PRAG1: variants seen among roughly 807,000 people sequenced by gnomAD.
PRAG1 encodes the protein PEAK1 related, kinase-activating pseudokinase 1, also known as inactive tyrosine-protein kinase PRAG1.
Under a neutral mutation model 95.6 loss-of-function variants are expected in PRAG1, and 110 were observed. That is an observed-to-expected ratio of 1.15 (90% CI 0.99 to 1.35). PRAG1 has a LOEUF of 1.35. PRAG1 is among the 40% of genes most tolerant of loss of function. The pLI, the probability that PRAG1 is intolerant of heterozygous loss-of-function variation, is 0.00. For synonymous variants in PRAG1, 1,052 were observed against 819.4 expected, an observed-to-expected ratio of 1.28 and a Z score of -4.85; for missense variants, 2,554 against 1,864.7, an observed-to-expected ratio of 1.37 and a Z score of -6.81.
intron 3 of PRAG1, among the ~76,000 whole-genome samples, chr8:8,352,346 C>G (rs540442452): frequency 6.6e-6 from 1 of 152,322 alleles, no homozygotes; most frequent in Admixed American, 6.5e-5. Context: ...TTCTGGATAT[C>G]CCCAAGCATT....
At chr8:8,363,286 A>G (rs1014993689) in intron 3 of PRAG1, among the ~76,000 whole-genome samples, 2 of 152,158 alleles carry the variant, frequency 1.3e-5, no homozygotes, top group African/African-American at 4.8e-5. Context: ...GAAGATACCA[A>G]AAATTTTAGG....
At chr8:8,357,990 T>G (rs1052417897) in intron 3 of PRAG1, among the ~76,000 whole-genome samples, 1 of 152,212 alleles carries the variant, frequency 6.6e-6, no homozygotes, top group Non-Finnish European at 1.5e-5. Context: ...AATTCAATTC[T>G]GACACTATCT....
intron 3 of PRAG1, among the ~76,000 whole-genome samples, chr8:8,342,432 G>GT (rs1368685764): frequency 6.6e-6 from 1 of 151,954 alleles, no homozygotes; most frequent in Non-Finnish European, 1.5e-5. Context: ...CCCTGACCTC[G>GT]TGATCTGCCC....
intron 4 of PRAG1, among the ~76,000 whole-genome samples, chr8:8,329,063 T>C (rs918305597): frequency 6.6e-5 from 10 of 152,054 alleles, no homozygotes; most frequent in African/African-American, 1.7e-4. Context: ...TTTTTAAAAG[T>C]CAGGTTTATA....
At chr8:8,352,030 C>T (rs1249230788) in intron 3 of PRAG1, among the ~76,000 whole-genome samples, 1 of 152,088 alleles carries the variant, frequency 6.6e-6, no homozygotes, top group South Asian at 2.1e-4. Flanking sequence ...TTTTGGTGAC[C>T]TTGCTTTCAG....
chr8:8,327,353 T>A (rs1798663481), intron 5 of PRAG1, among the ~76,000 whole-genome samples: 1 of 152,154 alleles, frequency 6.6e-6, no homozygotes, highest in Non-Finnish European at 1.5e-5. Flanking sequence ...GTGGATCATC[T>A]GAGGTCAGGA....
At chr8:8,381,060 T>C (rs1245042667) in intron 2 of PRAG1, among the ~76,000 whole-genome samples, 3 of 152,072 alleles carry the variant, frequency 2.0e-5, no homozygotes, top group African/African-American at 4.8e-5. Context: ...TTGAAGGGTA[T>C]TGGGTGCATG....
At position 8,372,524 on chromosome 8, in the gene PRAG1, G is replaced by A. The variant is rs566861422; in HGVS notation, c.2162+3723C>T. ...TGTGGGTATAAAAGCTTGCCTTGACGGCAACAGGGAAGGAAGTATCCAGGC... is the reference window on the plus strand; with the variant it reads ...TGTGGGTATAAAAGCTTGCCTTGACAGCAACAGGGAAGGAAGTATCCAGGC... On this transcript the variant is annotated intron_variant, in intron 3 of 5. Transcript: ENST00000615670. 3.9e-5 allele frequency among the ~76,000 whole-genome samples: 6 copies of A among 152,306 alleles called. No individual in the cohort carries two copies. In the East Asian group the frequency reaches 1.2e-3, roughly 29 times the overall value.
intron 3 of PRAG1, among the ~76,000 whole-genome samples, chr8:8,349,971 AACAC>A (rs1563241462): frequency 6.7e-6 from 1 of 150,086 alleles, no homozygotes; most frequent in Admixed American, 6.7e-5. Context: ...ATACCACACA[AACAC>A]ACATACATGC....
chr8:8,362,002 T>C (rs1799860549), intron 3 of PRAG1, among the ~76,000 whole-genome samples: 1 of 152,230 alleles, frequency 6.6e-6, no homozygotes, highest in African/African-American at 2.4e-5. Flanking sequence ...TAGAGACTTC[T>C]TGTCTATCCT....
At chr8:8,380,338 C>T (rs13273716) in intron 2 of PRAG1, among the ~76,000 whole-genome samples, 18,493 of 152,082 alleles carry the variant, frequency 0.12, 1,455 homozygotes, top group East Asian at 0.23. Flanking sequence ...GTGGCTCACG[C>T]CTATAATCTC....
intron 4 of PRAG1, among the ~76,000 whole-genome samples, chr8:8,332,863 T>C (rs1798867354): frequency 6.6e-6 from 1 of 150,506 alleles, no homozygotes; most frequent in Non-Finnish European, 1.5e-5. Flanking sequence ...TCCATAAACA[T>C]GGCCTTAGGC....
intron 3 of PRAG1, among the ~76,000 whole-genome samples, chr8:8,369,990 G>A (rs1315797333): frequency 2.6e-5 from 4 of 152,160 alleles, no homozygotes; most frequent in Admixed American, 2.6e-4. Context: ...CCCAGTAACT[G>A]GCTTTTTAGC....
chr8:8,318,179 G>T lies in PRAG1; in HGVS notation c.4196C>A (p.Ser1399Ter), dbSNP rs745581489. The T allele has an allele frequency of 4.3e-6, 7 of 1,613,662 alleles. No homozygotes were observed. In the Admixed American group the frequency reaches 8.3e-5, roughly 19 times the overall value. Reference protein sequence around the residue: ...ASAEPGALLQSLKLLQLL With the variant: ...ASAEPGALLQ ...TCACAGAAGCTGCAGGAGCTTCAGC[G>T]ACTGTAAGAGGGCCCCGGGCTCCGC... is the stretch of plus-strand genomic sequence containing the variant. The change falls in exon 6 of 6, where the codon TCG becomes TAG. Residue 1399 changes from serine to a stop codon, truncating the protein, a stop_gained. Coordinates refer to ENST00000615670, the MANE Select transcript of PRAG1 (RefSeq NM_001080826.3). LOFTEE classifies it high-confidence loss of function. This position sits in a 1 kb window ranked among gnomAD's most constrained non-coding sequence, Gnocchi z 4.2.
chr8:8,367,705 G>C (rs530395369), intron 3 of PRAG1, among the ~76,000 whole-genome samples: 1 of 151,984 alleles, frequency 6.6e-6, no homozygotes, highest in African/African-American at 2.4e-5. Context: ...GCAGTGGCGT[G>C]ATCTCAGCTC....
chr8:8,377,589 C>G lies in PRAG1; in HGVS notation c.820G>C (p.Gly274Arg). Residue 274 changes from glycine to arginine, a missense_variant, in exon 3 of 6, where the codon GGT (glycine) becomes CGT (arginine). Transcript: ENST00000615670. ...CTGCCACCATGCCTGCCCCGGGAACCTGCAGTCTGGGAGGCAGCCTTGGCA... is the reference window on the plus strand; with the variant it reads ...CTGCCACCATGCCTGCCCCGGGAACGTGCAGTCTGGGAGGCAGCCTTGGCA... ...PVAKAASQTAGSRGRHGGRDC... is the reference protein window; with the variant it reads ...PVAKAASQTARSRGRHGGRDC... 1.2e-6 allele frequency: 2 copies of G among 1,612,588 alleles called. No homozygotes were observed. Among genetic ancestry groups the G allele is most frequent in the South Asian group, 1.1e-5 (1 of 90,986 alleles).
intron 3 of PRAG1, among the ~76,000 whole-genome samples, chr8:8,367,291 CTACTA>C (rs961184138): frequency 6.6e-5 from 10 of 151,552 alleles, no homozygotes; most frequent in Non-Finnish European, 1.3e-4. Flanking sequence ...AACCCCATCT[CTACTA>C]ATAATACAAA....
chr8:8,372,407 T>C (rs1362605332), intron 3 of PRAG1, among the ~76,000 whole-genome samples: 1 of 152,230 alleles, frequency 6.6e-6, no homozygotes, highest in African/African-American at 2.4e-5. Context: ...CCAGCAGTAT[T>C]TGTTGATCCT....
At chr8:8,324,937 G>A (rs1433134886) in intron 5 of PRAG1, among the ~76,000 whole-genome samples, 3 of 152,142 alleles carry the variant, frequency 2.0e-5, no homozygotes, top group Non-Finnish European at 4.4e-5. Context: ...CTGCTGCAGG[G>A]CGCTGAGCCC....
Sources: allele counts gnomAD v4.1 joint callset (sites outside exome capture counted in the v4.1 genomes callset), GRCh38; gene constraint gnomAD v4.1.1; non-coding constraint Gnocchi (gnomAD v3.1); transcripts MANE v1.5; gene names NCBI Gene and HGNC (gene_info 2026-07-23, HGNC 2026-07-21).